THSD7A: variants seen among roughly 807,000 people sequenced by gnomAD.
The protein encoded by THSD7A is thrombospondin type 1 domain containing 7A.
A neutral mutation model predicts 231.3 loss-of-function variants in THSD7A; 96 were observed. The ratio of observed to expected loss-of-function variants is 0.41; its 90% CI spans 0.35 to 0.49. The LOEUF (loss-of-function observed/expected upper bound fraction) is 0.49. Ranked by LOEUF, THSD7A falls within the 20% of genes least tolerant of loss-of-function variation. The pLI, the probability that THSD7A is intolerant of heterozygous loss-of-function variation, is 0.05. For synonymous variants in THSD7A, 940 were observed against 743.3 expected (o/e 1.26, Z -4.30); for missense variants, 2,290 against 2,070.2 (o/e 1.11, Z -2.06).
intron 1 of THSD7A, among the ~76,000 whole-genome samples, chr7:11,781,286 T>C (rs953715146): frequency 1.5e-5 from 2 of 135,238 alleles, no homozygotes; most frequent in Non-Finnish European, 3.2e-5. Flanking sequence ...TCTCTGCACA[T>C]TTTTTTTTTT....
At chr7:11,805,534 T>C (rs140900673) in intron 1 of THSD7A, among the ~76,000 whole-genome samples, 37 of 152,240 alleles carry the variant, frequency 2.4e-4, no homozygotes, top group African/African-American at 8.4e-4. Context: ...AATTCTTCTG[T>C]AACATTCTTT....
At chr7:11,599,382 C>T (rs779732680) in intron 2 of THSD7A, among the ~76,000 whole-genome samples, 2 of 152,186 alleles carry the variant, frequency 1.3e-5, no homozygotes, top group African/African-American at 2.4e-5. Flanking sequence ...TCAATACCAG[C>T]TACGACCACG....
At chr7:11,763,780 C>A (rs190775201) in intron 1 of THSD7A, among the ~76,000 whole-genome samples, 9 of 152,078 alleles carry the variant, frequency 5.9e-5, no homozygotes, top group Admixed American at 1.3e-4. Flanking sequence ...TATTTAGATT[C>A]CTGCTCTAGC....
chr7:11,565,864 C>G (rs550553278), intron 4 of THSD7A, among the ~76,000 whole-genome samples: 27 of 152,304 alleles, frequency 1.8e-4, no homozygotes, highest in African/African-American at 5.1e-4. Flanking sequence ...CCACCTACAA[C>G]GAATCCACCT....
intron 1 of THSD7A, among the ~76,000 whole-genome samples, chr7:11,755,202 T>A (rs778177849): frequency 1.3e-5 from 2 of 151,998 alleles, no homozygotes; most frequent in African/African-American, 2.4e-5. Flanking sequence ...AACAAAGAAT[T>A]ATCTAGTCAA....
At chr7:11,407,495 A>G (rs1242593932) in intron 19 of THSD7A, 72 bp from the exon 20 acceptor site, 1 of 1,141,396 alleles carries the variant, frequency 8.8e-7, no homozygotes, top group Non-Finnish European at 1.3e-6. Context: ...AGGTGACAAG[A>G]AAGAAGAGAA....
chr7:11,616,593 C>T (rs1228384725), intron 2 of THSD7A, among the ~76,000 whole-genome samples: 3 of 152,108 alleles, frequency 2.0e-5, no homozygotes, highest in Non-Finnish European at 4.4e-5. Flanking sequence ...GACTAAATTG[C>T]TAGTTTTCTC....
At position 11,814,691 on chromosome 7, in the gene THSD7A, A is replaced by C. The variant is rs1223399108; in HGVS notation, c.190+17066T>G. ...AAGAGAACTAAAGAAATTACATTAA[A>C]TATTGCAGTAAGAGACAGGGAGAGA... On this transcript the variant is annotated intron_variant, in intron 1 of 27. Coordinates refer to ENST00000423059, the MANE Select transcript of THSD7A (RefSeq NM_015204.3). This position sits in a 1 kb window ranked among gnomAD's most constrained non-coding sequence, Gnocchi z 5.1. 1.3e-5 allele frequency among the ~76,000 whole-genome samples: 2 copies of C among 152,212 alleles called. No individual in the cohort carries two copies. Among genetic ancestry groups the C allele is most frequent in the East Asian group, 3.8e-4 (2 of 5,196 alleles).
At chr7:11,605,381 C>T (rs1201563423) in intron 2 of THSD7A, among the ~76,000 whole-genome samples, 3 of 152,056 alleles carry the variant, frequency 2.0e-5, no homozygotes, top group Non-Finnish European at 1.5e-5. Flanking sequence ...TGAAGTTTAA[C>T]ATCTGCAGTC....
chr7:11,627,772 C>T (rs1348241026), intron 2 of THSD7A, among the ~76,000 whole-genome samples: 2 of 152,050 alleles, frequency 1.3e-5, no homozygotes, highest in African/African-American at 4.8e-5. Flanking sequence ...GGTCTCAGTG[C>T]TGGTTTAGTG....
At chr7:11,622,255 C>A (rs188228896) in intron 2 of THSD7A, among the ~76,000 whole-genome samples, 112 of 152,076 alleles carry the variant, frequency 7.4e-4, no homozygotes, top group African/African-American at 2.5e-3. Flanking sequence ...AATATAACCC[C>A]ATCTTTTTTG....
chr7:11,642,962 A>G (rs1782141637), intron 1 of THSD7A, among the ~76,000 whole-genome samples: 1 of 152,114 alleles, frequency 6.6e-6, no homozygotes. Flanking sequence ...TTATATGTCA[A>G]GGGCATGAGA....
chr7:11,435,680 C>T (rs1784611156), intron 13 of THSD7A, among the ~76,000 whole-genome samples: 1 of 151,868 alleles, frequency 6.6e-6, no homozygotes, highest in Non-Finnish European at 1.5e-5. Flanking sequence ...AGCTACCTGT[C>T]CTTTCGAGCT....
At chr7:11,627,227 A>G (rs1324581536) in intron 2 of THSD7A, among the ~76,000 whole-genome samples, 1 of 152,112 alleles carries the variant, frequency 6.6e-6, no homozygotes, top group Non-Finnish European at 1.5e-5. Flanking sequence ...CTGCACATGT[A>G]ACCCAGAACT....
intron 2 of THSD7A, among the ~76,000 whole-genome samples, chr7:11,601,072 G>A (rs374158999): frequency 6.6e-6 from 1 of 152,138 alleles, no homozygotes; most frequent in Non-Finnish European, 1.5e-5. Flanking sequence ...GTTTATCAAT[G>A]AAAGTCATGC....
At chr7:11,770,667 A>G (rs967007141) in intron 1 of THSD7A, among the ~76,000 whole-genome samples, 9 of 152,282 alleles carry the variant, frequency 5.9e-5, no homozygotes, top group Admixed American at 2.6e-4. Context: ...TTCACAACCA[A>G]TTCTAGATTG....
At chr7:11,416,776 G>T (rs1190746363) in intron 17 of THSD7A, among the ~76,000 whole-genome samples, 1 of 152,128 alleles carries the variant, frequency 6.6e-6, no homozygotes, top group Non-Finnish European at 1.5e-5. Flanking sequence ...TACATAAGCA[G>T]CCAGTTCTGT....
chr7:11,600,962 G>A (rs1780531044), intron 2 of THSD7A, among the ~76,000 whole-genome samples: 1 of 152,170 alleles, frequency 6.6e-6, no homozygotes, highest in African/African-American at 2.4e-5. Context: ...CTACAACAGA[G>A]AGGACCAAAA....
At position 11,740,153 on chromosome 7, in the gene THSD7A, C is replaced by G. The variant is rs147909375; in HGVS notation, c.190+91604G>C. Among the ~76,000 whole-genome samples the G allele has an allele frequency of 2.9e-3, 438 of 152,052 alleles. 1 individual carries two copies. Among genetic ancestry groups the G allele is most frequent in the African/African-American group, 0.01 (420 of 41,522 alleles). Reference sequence around the variant, plus strand: ...CACTAGTAAGATCCCACACGTCTCACTCCTCAGTGGCTTCAAGGTAGTCCT... The same window carrying G: ...CACTAGTAAGATCCCACACGTCTCAGTCCTCAGTGGCTTCAAGGTAGTCCT... On this transcript the variant is annotated intron_variant, in intron 1 of 27. Transcript: ENST00000423059.
Sources: allele counts gnomAD v4.1 joint callset (sites outside exome capture counted in the v4.1 genomes callset), GRCh38; gene constraint gnomAD v4.1.1; non-coding constraint Gnocchi (gnomAD v3.1); transcripts MANE v1.5; gene names NCBI Gene and HGNC (gene_info 2026-07-23, HGNC 2026-07-21).